HEY2: variants seen among roughly 807,000 people sequenced by gnomAD.
HEY2 encodes hes related family bHLH transcription factor with YRPW motif 2, also known as hairy/enhancer-of-split related with YRPW motif protein 2.
In HEY2, 10 loss-of-function variants were observed where a neutral mutation model predicts 18.1. That is an observed-to-expected ratio of 0.55 (90% CI 0.34 to 0.94). HEY2 has a LOEUF of 0.94. Ranked by LOEUF, HEY2 falls within the 40% of genes least tolerant of loss-of-function variation. The pLI, the probability that HEY2 is intolerant of heterozygous loss-of-function variation, is 0.02. For synonymous variants in HEY2, 210 were observed against 182.7 expected (o/e 1.15, Z -1.21); for missense variants, 455 against 455.9 (o/e 1.00, Z 0.02).
Position 125,759,384 on chromosome 6 carries a change from C to T in HEY2, c.596C>T (p.Pro199Leu). The T allele has an allele frequency of 6.2e-7, 1 of 1,608,318 alleles. No homozygotes were observed. Among genetic ancestry groups the T allele is most frequent in the Non-Finnish European group, 8.5e-7 (1 of 1,178,098 alleles). Residue 199 changes from proline to leucine, a missense_variant, in exon 5 of 5, where the codon CCC becomes CTC. Physicochemically the swap from Pro to Leu is moderately conservative, Grantham distance 98 (BLOSUM62 -3). Coordinates refer to ENST00000368364, the MANE Select transcript of HEY2 (RefSeq NM_012259.3). ...CACCTGCCCGCAGCCCTGCTCCAGC[C>T]CAACGGCCTCCATGCCTCAGAGTCA... Reference protein sequence around the residue: ...FHHLPAALLQPNGLHASESTP... With the variant: ...FHHLPAALLQLNGLHASESTP...
At position 125,759,262 on chromosome 6, in the gene HEY2, C is replaced by T. The variant is rs1773732789; in HGVS notation, c.474C>T (p.Ser158=). 1 of 1,608,336 alleles carries T rather than the reference C, an allele frequency of 6.2e-7. No homozygotes were observed. Among genetic ancestry groups the T allele is most frequent in the African/African-American group, 1.3e-5 (1 of 74,930 alleles). ...PLRVRLVSHL[S]TCATQREAAA... ...GGGTGCGGCTTGTGTCTCATCTCAG[C>T]ACTTGCGCCACCCAGCGGGAGGCGG... Residue 158 remains serine (S), a synonymous_variant, in exon 5 of 5, where the codon AGC becomes AGT. Transcript: ENST00000368364.
intron 1 of HEY2, 59 bp from the exon 2 acceptor site, chr6:125,751,742 C>A: frequency 8.9e-7 from 1 of 1,120,280 alleles, no homozygotes; most frequent in Non-Finnish European, 1.3e-6. Context: ...GCCACAAGTA[C>A]CCAGAAGAAA....
At chr6:125,750,308 G>A in intron 1 of HEY2, 1 of 985,334 alleles carries the variant, frequency 1.0e-6, no homozygotes, top group Non-Finnish European at 1.2e-6. Context: ...AGCAACCTGC[G>A]ATGTCAAGGC....
intron 4 of HEY2, among the ~76,000 whole-genome samples, chr6:125,758,472 A>AT (rs1213052665): frequency 2.0e-5 from 3 of 152,084 alleles, no homozygotes; most frequent in Non-Finnish European, 2.9e-5. Flanking sequence ...AAGAAACCAA[A>AT]TTTTTTTTAA....
rs751521487 is a variant in HEY2, at chr6:125,760,415, T to C, written c.*613T>C. ...ATAATTTTCAAGTTGAAAGATCTAG[T>C]TTTATCTTAGTTTGCCTTCTTTGTA... On this transcript the variant is annotated 3_prime_UTR_variant, in exon 5 of 5. Coordinates refer to ENST00000368364, the MANE Select transcript of HEY2 (RefSeq NM_012259.3). The C allele has an allele frequency of 6.5e-6, 1 of 152,902 alleles. No homozygotes were observed. The highest frequency in any genetic ancestry group is 6.5e-5 in the Admixed American group (1 of 15,398). 9.5% of individuals were successfully genotyped at this position (152,902 alleles called of 1,614,324 possible).
At position 125,749,703 on chromosome 6, in the gene HEY2, G is replaced by C; in HGVS notation, c.-74G>C. 2 of 1,121,674 alleles carry C rather than the reference G, an allele frequency of 1.8e-6. No individual in the cohort carries two copies. The highest frequency in any genetic ancestry group is 2.5e-6 in the Non-Finnish European group (2 of 791,128). The allele number at this position is 1,121,674 out of a possible 1,614,324, so 69.5% of individuals were successfully genotyped here. A position where few individuals can be genotyped will look rare whatever the true frequency, so the allele number is the denominator to read the frequency against. On this transcript the variant is annotated 5_prime_UTR_variant, in exon 1 of 5. Transcript: ENST00000368364. ...GCCCAGGCCCGGGGAGGGAGGAGGCGGGCGTCAGGGTGCTGCGCCCCGCTC... is the reference window on the plus strand; with the variant it reads ...GCCCAGGCCCGGGGAGGGAGGAGGCCGGCGTCAGGGTGCTGCGCCCCGCTC...
Position 125,749,665 on chromosome 6 carries a change from C to G in HEY2, c.-112C>G, listed in dbSNP as rs148049643. The G allele has an allele frequency of 3.2e-6, 2 of 634,024 alleles. No homozygotes were observed. The highest frequency in any genetic ancestry group is 4.2e-5 in the Admixed American group (1 of 23,632). The allele number at this position is 634,024 out of a possible 1,614,324, so 39.3% of individuals were successfully genotyped here. On this transcript the variant is annotated 5_prime_UTR_variant, in exon 1 of 5. Coordinates refer to ENST00000368364, the MANE Select transcript of HEY2 (RefSeq NM_012259.3). Reference sequence around the variant, plus strand: ...CGCTAGGAGCAGACCGCGCCGCCGCCGGAGCCGCGCCTGCCCAGGCCCGGG... The same window carrying G: ...CGCTAGGAGCAGACCGCGCCGCCGCGGGAGCCGCGCCTGCCCAGGCCCGGG...
chr6:125,750,292 A>C, intron 1 of HEY2: 1 of 985,304 alleles, frequency 1.0e-6, no homozygotes, highest in Middle Eastern at 5.2e-4. Context: ...TTTTTGGAGG[A>C]ATTAAAGCAA....
intron 4 of HEY2, among the ~76,000 whole-genome samples, chr6:125,756,922 C>G (rs1342889825): frequency 1.3e-5 from 2 of 152,182 alleles, no homozygotes; most frequent in East Asian, 1.9e-4. Context: ...CAAAAGGGAG[C>G]TACTTATCAT....
At chr6:125,750,793 ACCC>A (rs1773529548) in intron 1 of HEY2, among the ~76,000 whole-genome samples, 1 of 152,232 alleles carries the variant, frequency 6.6e-6, no homozygotes, top group Admixed American at 6.5e-5. Flanking sequence ...GAAAGGTGAA[ACCC>A]GTAAAGAAGG....
At chr6:125,754,799 C>A (rs1236585554) in intron 4 of HEY2, among the ~76,000 whole-genome samples, 1 of 152,160 alleles carries the variant, frequency 6.6e-6, no homozygotes. Flanking sequence ...AGTAAAGCTT[C>A]ATTCACAGCA....
At chr6:125,751,962 C>T in intron 2 of HEY2, 45 bp from the exon 3 acceptor site, 3 of 1,588,366 alleles carry the variant, frequency 1.9e-6, no homozygotes, top group Non-Finnish European at 2.6e-6. Context: ...GTAATTTTAT[C>T]ATTTGTGAAT....
At position 125,749,719 on chromosome 6, in the gene HEY2, C is replaced by G; in HGVS notation, c.-58C>G. 7.2e-7 allele frequency: 1 copy of G among 1,382,394 alleles called. No individual in the cohort carries two copies. Among genetic ancestry groups the G allele is most frequent in the Non-Finnish European group, 1.0e-6 (1 of 1,004,818 alleles). 85.6% of individuals were successfully genotyped at this position (1,382,394 alleles called of 1,614,324 possible). ...GGAGGAGGCGGGCGTCAGGGTGCTG[C>G]GCCCCGCTCGGCGTCCGAGCTTCCG... On this transcript the variant is annotated 5_prime_UTR_variant, in exon 1 of 5. Coordinates refer to ENST00000368364, the MANE Select transcript of HEY2 (RefSeq NM_012259.3).
chr6:125,755,956 G>T (rs1773646260), intron 4 of HEY2, among the ~76,000 whole-genome samples: 1 of 152,128 alleles, frequency 6.6e-6, no homozygotes, highest in Admixed American at 6.5e-5. Flanking sequence ...AGGATGTTAG[G>T]ATACTGATTG....
intron 3 of HEY2, among the ~76,000 whole-genome samples, chr6:125,752,431 A>G (rs545968318): frequency 6.6e-6 from 1 of 151,536 alleles, no homozygotes; most frequent in South Asian, 2.1e-4. Flanking sequence ...ATCCTTCAAA[A>G]AAAAAAAAAA....
intron 4 of HEY2, among the ~76,000 whole-genome samples, chr6:125,755,244 G>A (rs888072320): frequency 8.5e-5 from 13 of 152,150 alleles, no homozygotes; most frequent in Non-Finnish European, 1.8e-4. Flanking sequence ...AATTGTCGAG[G>A]TGGTGAGAGA....
rs1202466911 is a variant in HEY2 at position 125,759,642 on chromosome 6, C to T, written c.854C>T (p.Ala285Val). The change falls in exon 5 of 5, where the codon GCA becomes GTA. Residue 285 changes from alanine to valine, a missense_variant. Physicochemically the swap from Ala to Val is moderately conservative, Grantham distance 64. Transcript: ENST00000368364. Reference sequence around the variant, plus strand: ...AGCTTCCCTCTGTCCTTCGCGGGGGCATTCCCCATGCTTCCCCCAAACGCA... The same window carrying T: ...AGCTTCCCTCTGTCCTTCGCGGGGGTATTCCCCATGCTTCCCCCAAACGCA... The part of the protein sequence containing the change: ...AHSFPLSFAG[A>V]FPMLPPNAAA... 2 of 1,611,218 alleles carry T rather than the reference C, an allele frequency of 1.2e-6. No homozygotes were observed. The highest frequency in any genetic ancestry group is 1.7e-6 in the Non-Finnish European group (2 of 1,179,908).
intron 4 of HEY2, among the ~76,000 whole-genome samples, chr6:125,757,647 A>G (rs752746645): frequency 6.6e-6 from 1 of 152,252 alleles, no homozygotes; most frequent in Non-Finnish European, 1.5e-5. Flanking sequence ...GATAATGTAA[A>G]TGTTTTAGAT....
In HEY2 at chr6:125,759,404, G is replaced by C. The variant is rs779972686; in HGVS notation, c.616G>C (p.Glu206Gln). 1 of 1,610,746 alleles carries C rather than the reference G, an allele frequency of 6.2e-7. No homozygotes were observed. The highest frequency in any genetic ancestry group is 1.7e-5 in the Admixed American group (1 of 60,012). The stretch of plus-strand genomic sequence containing the variant: ...CCAGCCCAACGGCCTCCATGCCTCA[G>C]AGTCAACCCCTTGTCGCCTCTCCAC... ...LLQPNGLHAS[E>Q]STPCRLSTTS... The change falls in exon 5 of 5, where the codon GAG becomes CAG. Residue 206 changes from glutamate (E) to glutamine (Q), a missense_variant. By Grantham distance (29) the Glu-to-Gln change is conservative. Transcript: ENST00000368364.
Sources: gnomAD v4.1 joint callset for allele counts (sites outside exome capture counted in the v4.1 genomes callset) on GRCh38, gnomAD v4.1.1 for gene constraint, MANE v1.5 for transcripts, NCBI Gene and HGNC (gene_info 2026-07-23, HGNC 2026-07-21) for gene names.